CDH13: variants seen among roughly 807,000 people sequenced by gnomAD.
The protein encoded by CDH13 is cadherin-13.
Under a neutral mutation model 63.8 loss-of-function variants are expected in CDH13, and 24 were observed. The ratio of observed to expected loss-of-function variants is 0.38; its 90% CI spans 0.27 to 0.53. The LOEUF (loss-of-function observed/expected upper bound fraction) is 0.53, where lower values mean the gene tolerates loss of function less well. Ranked by LOEUF, CDH13 falls within the 20% of genes least tolerant of loss-of-function variation. The pLI, the probability that CDH13 is intolerant of heterozygous loss-of-function variation, is 0.85. For missense variants in CDH13, 1,049 were observed against 903.1 expected, an observed-to-expected ratio of 1.16 and a Z score of -2.07; for synonymous variants, 503 against 355.3, an observed-to-expected ratio of 1.42 and a Z score of -4.67.
intron 5 of CDH13, among the ~76,000 whole-genome samples, chr16:83,242,552 G>A (rs1441311811): frequency 1.3e-5 from 2 of 152,198 alleles, no homozygotes; most frequent in African/African-American, 2.4e-5. Flanking sequence ...CTTATAGGGT[G>A]ACATACAGGT....
At chr16:83,371,248 T>C (rs2091361428) in intron 6 of CDH13, among the ~76,000 whole-genome samples, 2 of 152,240 alleles carry the variant, frequency 1.3e-5, no homozygotes, top group Non-Finnish European at 2.9e-5. Context: ...TATTTTCTGT[T>C]GACTGCCCCA....
intron 1 of CDH13, among the ~76,000 whole-genome samples, chr16:82,778,725 A>G (rs1251958904): frequency 6.6e-6 from 1 of 152,164 alleles, no homozygotes; most frequent in Non-Finnish European, 1.5e-5. Flanking sequence ...ATACCTATCT[A>G]GAGCCCTCAT....
intron 1 of CDH13, among the ~76,000 whole-genome samples, chr16:82,843,733 A>C (rs2039130732): frequency 6.6e-6 from 1 of 152,224 alleles, no homozygotes; most frequent in African/African-American, 2.4e-5. Flanking sequence ...CTGGCAGAGA[A>C]GAAAGTGTTG....
chr16:83,031,969 A>T (rs564171901), intron 2 of CDH13, 41 bp from the exon 3 acceptor site: 2 of 1,489,636 alleles, frequency 1.3e-6, no homozygotes, highest in Non-Finnish European at 1.8e-6. Context: ...TAAGCTGCCC[A>T]ACCTACTCAT....
intron 6 of CDH13, among the ~76,000 whole-genome samples, chr16:83,464,151 G>A (rs116467831): frequency 2.5e-3 from 386 of 152,260 alleles, no homozygotes; most frequent in African/African-American, 8.9e-3. Flanking sequence ...TCAGCTCACT[G>A]CAACCTCTAC....
intron 2 of CDH13, among the ~76,000 whole-genome samples, chr16:82,882,877 C>G (rs908962382): frequency 6.6e-6 from 1 of 152,124 alleles, no homozygotes; most frequent in African/African-American, 2.4e-5. Flanking sequence ...AAAAAGGATA[C>G]TATGATTTTC....
chr16:83,058,591 C>G (rs1052744551), intron 3 of CDH13, among the ~76,000 whole-genome samples: 1 of 152,206 alleles, frequency 6.6e-6, no homozygotes, highest in African/African-American at 2.4e-5. Flanking sequence ...CCAATCTCCA[C>G]TCCTGAGCTC....
At chr16:82,887,684 G>A (rs1187089072) in intron 2 of CDH13, among the ~76,000 whole-genome samples, 1 of 152,194 alleles carries the variant, frequency 6.6e-6, no homozygotes, top group Non-Finnish European at 1.5e-5. Context: ...AGCTGGGCGT[G>A]GTGGTGCACA....
At chr16:83,504,469 A>G (rs1334483681) in intron 7 of CDH13, among the ~76,000 whole-genome samples, 3 of 152,232 alleles carry the variant, frequency 2.0e-5, no homozygotes, top group African/African-American at 4.8e-5. Flanking sequence ...CAGTGTCGCT[A>G]CCACTGGGAC....
At chr16:82,965,483 T>C (rs1031611626) in intron 2 of CDH13, among the ~76,000 whole-genome samples, 1 of 152,248 alleles carries the variant, frequency 6.6e-6, no homozygotes, top group Non-Finnish European at 1.5e-5. Flanking sequence ...ATTGCAAACT[T>C]ATTTAGCATT....
chr16:83,103,549 T>A (rs547662672), intron 3 of CDH13, among the ~76,000 whole-genome samples: 52 of 152,204 alleles, frequency 3.4e-4, no homozygotes, highest in African/African-American at 1.2e-3. Context: ...CCCGGCTAAT[T>A]AAACTTTTAA....
At chr16:83,406,586 C>T (rs933068159) in intron 6 of CDH13, among the ~76,000 whole-genome samples, 1 of 152,196 alleles carries the variant, frequency 6.6e-6, no homozygotes, top group Admixed American at 6.5e-5. Context: ...GCCTTAGCCT[C>T]CCAAGTAGTT....
At chr16:83,136,444 C>T (rs1487447394) in intron 4 of CDH13, among the ~76,000 whole-genome samples, 1 of 150,430 alleles carries the variant, frequency 6.6e-6, no homozygotes, top group African/African-American at 2.5e-5. Context: ...CGAGATCGCT[C>T]CACTGCACTC....
intron 2 of CDH13, among the ~76,000 whole-genome samples, chr16:83,011,940 A>G (rs1044279698): frequency 6.6e-6 from 1 of 152,158 alleles, no homozygotes; most frequent in African/African-American, 2.4e-5. Context: ...TTATTAATGA[A>G]AGAGTGAGTA....
intron 2 of CDH13, among the ~76,000 whole-genome samples, chr16:82,929,991 C>G (rs1345737534): frequency 2.7e-5 from 4 of 149,150 alleles, no homozygotes; most frequent in Admixed American, 2.7e-4. Context: ...TCATATTCCA[C>G]AAGGGAAATC....
At chr16:83,002,060 C>A (rs556073588) in intron 2 of CDH13, among the ~76,000 whole-genome samples, 6 of 152,304 alleles carry the variant, frequency 3.9e-5, no homozygotes, top group South Asian at 4.1e-4. Flanking sequence ...ATACTGTCTT[C>A]TAGGCACTGA....
chr16:83,454,617 C>G (rs1381191135), intron 6 of CDH13, among the ~76,000 whole-genome samples: 1 of 152,140 alleles, frequency 6.6e-6, no homozygotes, highest in Non-Finnish European at 1.5e-5. Context: ...GGCCATTTTC[C>G]TATGGTTAAA....
chr16:83,078,780 GT>G lies in CDH13; in HGVS notation c.366+46565del, dbSNP rs1481030464. 2.0e-5 allele frequency among the ~76,000 whole-genome samples: 3 copies of G among 152,208 alleles called. No individual in the cohort carries two copies. In the East Asian group the frequency reaches 5.8e-4, roughly 29 times the overall value. Reference sequence around the variant, plus strand: ...GTGTTTAGCCTCCAGTTTTTTGTTTGTTTGTTTGTTTTGGTTTTTTGGTTTT... The same window carrying G: ...GTGTTTAGCCTCCAGTTTTTTGTTTGTTGTTTGTTTTGGTTTTTTGGTTTT... On this transcript the variant is annotated intron_variant, in intron 3 of 13. Transcript: ENST00000567109.
At chr16:83,691,214 G>A (rs541297462) in intron 10 of CDH13, among the ~76,000 whole-genome samples, 3 of 152,120 alleles carry the variant, frequency 2.0e-5, no homozygotes, top group South Asian at 2.1e-4. Flanking sequence ...TTGCAAGCTC[G>A]CTGGAGAAGT....
Sources: gnomAD v4.1 joint callset for allele counts (sites outside exome capture counted in the v4.1 genomes callset) on GRCh38, gnomAD v4.1.1 for gene constraint, MANE v1.5 for transcripts, NCBI Gene and HGNC (gene_info 2026-07-23, HGNC 2026-07-21) for gene names.